Variants in ZNF329 observed in about 807,000 individuals in gnomAD.
ZNF329 encodes the protein zinc finger protein 329.
In ZNF329, 15 loss-of-function variants were observed where a neutral mutation model predicts 26.6. That is an observed-to-expected ratio of 0.56 (90% CI 0.38 to 0.87). The LOEUF (loss-of-function observed/expected upper bound fraction) is 0.87, where lower values mean the gene tolerates loss of function less well. Ranked by LOEUF, ZNF329 falls within the 40% of genes least tolerant of loss-of-function variation. The pLI is 0.00. For synonymous variants in ZNF329, 239 were observed against 233.5 expected (o/e 1.02, Z -0.21); for missense variants, 651 against 651.9 (o/e 1.00, Z 0.02).
At chr19:58,131,142 CGCG>C (rs201470290) in intron 3 of ZNF329, among the ~76,000 whole-genome samples, 2 of 140,408 alleles carry the variant, frequency 1.4e-5, no homozygotes, top group African/African-American at 5.1e-5. Flanking sequence ...TGTGTGTGTG[CGCG>C]TGTATTTACA....
chr19:58,134,640 C>T (rs181055819), intron 3 of ZNF329, among the ~76,000 whole-genome samples: 84 of 152,238 alleles, frequency 5.5e-4, no homozygotes, highest in African/African-American at 1.9e-3. Context: ...CAACATGCCT[C>T]AAAACACAGA....
At chr19:58,149,105 A>G (rs1178794601) in intron 1 of ZNF329, among the ~76,000 whole-genome samples, 2 of 152,214 alleles carry the variant, frequency 1.3e-5, no homozygotes, top group Non-Finnish European at 2.9e-5. Context: ...CAAAACCAAG[A>G]TGGCAACGAG....
intron 3 of ZNF329, among the ~76,000 whole-genome samples, chr19:58,141,223 T>A (rs1330593664): frequency 2.0e-5 from 3 of 151,864 alleles, no homozygotes; most frequent in Non-Finnish European, 4.4e-5. Context: ...CTTGAACTCC[T>A]GGGCTCAAGC....
intron 1 of ZNF329, among the ~76,000 whole-genome samples, chr19:58,146,680 G>A (rs1204114158): frequency 6.6e-6 from 1 of 151,590 alleles, no homozygotes; most frequent in Non-Finnish European, 1.5e-5. Context: ...CCTGCCGAGT[G>A]CCTGCAATTG....
At chr19:58,134,116 G>A (rs2075012737) in intron 3 of ZNF329, among the ~76,000 whole-genome samples, 1 of 152,200 alleles carries the variant, frequency 6.6e-6, no homozygotes, top group South Asian at 2.1e-4. Context: ...ACTTCCAGAA[G>A]ATACTTGGCA....
At chr19:58,154,912 A>G (rs2075517919), upstream of ZNF329, 1 of 152,258 alleles carries the variant, frequency 6.6e-6, no homozygotes, top group Non-Finnish European at 1.5e-5. Flanking sequence ...GAGTCCCCGC[A>G]GCCCTAGCCC....
At chr19:58,141,933 C>T (rs1013172384) in intron 3 of ZNF329, among the ~76,000 whole-genome samples, 5 of 151,628 alleles carry the variant, frequency 3.3e-5, no homozygotes, top group African/African-American at 4.8e-5. Flanking sequence ...TGGTGGCCCT[C>T]GCCTGTAATC....
chr19:58,143,402 G>A (rs1600084906), intron 1 of ZNF329, among the ~76,000 whole-genome samples: 1 of 152,068 alleles, frequency 6.6e-6, no homozygotes, highest in East Asian at 1.9e-4. Flanking sequence ...GCAAATCTCT[G>A]GAATAATTTT....
intron 3 of ZNF329, among the ~76,000 whole-genome samples, chr19:58,139,830 G>A (rs159865): frequency 1 from 152,221 of 152,310 alleles, 76,066 homozygotes; most frequent in Middle Eastern, 1. Context: ...ACAGTGAGAT[G>A]CCACTTTACA....
At chr19:58,147,150 C>T (rs1285773078) in intron 1 of ZNF329, among the ~76,000 whole-genome samples, 1 of 150,144 alleles carries the variant, frequency 6.7e-6, no homozygotes, top group South Asian at 2.1e-4. Context: ...GTGGGGAGCG[C>T]CTCTGCCCCG....
chr19:58,132,022 CAAAAAAAAAAAA>C (rs11317433), intron 3 of ZNF329, among the ~76,000 whole-genome samples: 8 of 98,986 alleles, frequency 8.1e-5, no homozygotes, highest in Non-Finnish European at 1.7e-4. Context: ...GACTCTGCCT[CAAAAAAAAAAAA>C]AAAAGAAAGA....
At chr19:58,154,374 A>G (rs1322263672), upstream of ZNF329, among the ~76,000 whole-genome samples, 2 of 152,128 alleles carry the variant, frequency 1.3e-5, no homozygotes, top group East Asian at 3.9e-4. Context: ...TCACTGACCT[A>G]TGCCACACAG....
rs1363748865 is a variant in ZNF329 at position 58,127,111 on chromosome 19, A to C, written c.*767T>G. ...ATCTCACACATTCTGTGGTGTGTGC[A>C]GTACAGCACTGTGTGGACTCTCTCA... On this transcript the variant is annotated 3_prime_UTR_variant, in exon 4 of 4. Transcript: ENST00000598312. The C allele has an allele frequency of 6.6e-6, 1 of 152,240 alleles. No individual in the cohort carries two copies. The highest frequency in any genetic ancestry group is 1.5e-5 in the Non-Finnish European group (1 of 68,054). 9.4% of individuals were successfully genotyped at this position (152,240 alleles called of 1,614,324 possible). A position where few individuals can be genotyped will look rare whatever the true frequency, so the allele number is the denominator to read the frequency against.
Position 58,144,396 on chromosome 19 carries a change from A to ATTTTT in ZNF329, c.-207-1203_-207-1199dup, listed in dbSNP as rs367570171. 1.6e-3 allele frequency among the ~76,000 whole-genome samples: 209 copies of ATTTTT among 127,712 alleles called. 1 individual carries two copies. The highest frequency in any genetic ancestry group is 3.4e-3 in the African/African-American group (114 of 33,396). The allele number at this position is 127,712 out of a possible 152,430, so 83.8% of individuals were successfully genotyped here. ...TCTATCTATCTATATATATATATAT[A>ATTTTT]TTTTTTTTTTGAGACGGAGTCTCGC... On this transcript the variant is annotated intron_variant, in intron 1 of 3. Coordinates refer to ENST00000598312, the MANE Select transcript of ZNF329 (RefSeq NM_024620.4).
chr19:58,141,860 T>C (rs1018314584), intron 3 of ZNF329, among the ~76,000 whole-genome samples: 4 of 147,202 alleles, frequency 2.7e-5, no homozygotes, highest in African/African-American at 7.6e-5. Context: ...GCCATTGCAC[T>C]CCAGCCTGGG....
chr19:58,128,498 T>C lies in ZNF329; in HGVS notation c.1006A>G (p.Ile336Val). The C allele has an allele frequency of 1.2e-6, 2 of 1,614,016 alleles. No individual in the cohort carries two copies. The highest frequency in any genetic ancestry group is 1.7e-6 in the Non-Finnish European group (2 of 1,179,930). The change falls in exon 4 of 4, where the codon ATC becomes GTC. Residue 336 changes from isoleucine (I) to valine (V), a missense_variant. Physicochemically the swap from Ile to Val is conservative, Grantham distance 29 (BLOSUM62 3). Coordinates refer to ENST00000598312, the MANE Select transcript of ZNF329 (RefSeq NM_024620.4). Reference protein sequence around the residue: ...DISHLTVHLRIHTGEKPYECS... With the variant: ...DISHLTVHLRVHTGEKPYECS... ...TCATAGGGCTTCTCACCGGTGTGGA[T>C]TCTGAGATGCACTGTAAGGTGGGAG...
At chr19:58,140,668 G>C (rs1204934693) in intron 3 of ZNF329, among the ~76,000 whole-genome samples, 1 of 151,528 alleles carries the variant, frequency 6.6e-6, no homozygotes, top group Non-Finnish European at 1.5e-5. Flanking sequence ...GCCCACCCCG[G>C]CCTCCCAAAG....
chr19:58,145,481 C>A (rs2075288354), intron 1 of ZNF329, among the ~76,000 whole-genome samples: 1 of 151,738 alleles, frequency 6.6e-6, no homozygotes, highest in Non-Finnish European at 1.5e-5. Context: ...ACCACCATAC[C>A]CAGCTAATTT....
chr19:58,133,722 G>C (rs1386993049), intron 3 of ZNF329, among the ~76,000 whole-genome samples: 1 of 152,112 alleles, frequency 6.6e-6, no homozygotes, highest in Non-Finnish European at 1.5e-5. Flanking sequence ...ATGTGGGCTA[G>C]GTGTGGTGAC....
Sources: allele counts gnomAD v4.1 joint callset (sites outside exome capture counted in the v4.1 genomes callset), GRCh38; gene constraint gnomAD v4.1.1; transcripts MANE v1.5; gene names NCBI Gene and HGNC (gene_info 2026-07-23, HGNC 2026-07-21).